Variants in SLC15A1 observed in about 807,000 individuals in gnomAD.
The protein encoded by SLC15A1 is Caco-2 oligopeptide transporter.
In SLC15A1, 83 loss-of-function variants were observed where a neutral mutation model predicts 92.9. That is an observed-to-expected ratio of 0.89 (90% confidence interval 0.75 to 1.07). SLC15A1 has a LOEUF of 1.07. Ranked by LOEUF, SLC15A1 falls within the 50% of genes least tolerant of loss-of-function variation. SLC15A1 has a pLI of 0.00. For synonymous variants in SLC15A1, 322 were observed against 318.2 expected, an observed-to-expected ratio of 1.01 and a Z score of -0.13; for missense variants, 857 against 880.1, an observed-to-expected ratio of 0.97 and a Z score of 0.33.
intron 15 of SLC15A1, 146 bp from the exon 16 acceptor site, chr13:98,706,399 C>G (rs1421427424): frequency 1.2e-6 from 1 of 844,816 alleles, no homozygotes; most frequent in Non-Finnish European, 1.8e-6. Context: ...AGCTGCCAAT[C>G]ACAGACCTCG....
At chr13:98,726,920 C>G in intron 1 of SLC15A1, 61 bp from the exon 2 acceptor site, 1 of 1,556,906 alleles carries the variant, frequency 6.4e-7, no homozygotes, top group East Asian at 2.2e-5. Context: ...TTTGCTGTGT[C>G]TAAACTCAGA....
At chr13:98,697,017 C>T (rs1182031472) in intron 18 of SLC15A1, among the ~76,000 whole-genome samples, 4 of 152,136 alleles carry the variant, frequency 2.6e-5, no homozygotes, top group African/African-American at 9.7e-5. Flanking sequence ...CCTGATCTTA[C>T]ACTTCCAGCC....
chr13:98,721,957 C>T (rs1377632711), intron 5 of SLC15A1, 54 bp from the exon 6 acceptor site: 6 of 1,463,664 alleles, frequency 4.1e-6, no homozygotes, highest in African/African-American at 2.8e-5. Context: ...AAGTAGAAGG[C>T]CTCTCTTTTC....
chr13:98,750,623 G>A (rs2139618879), intron 1 of SLC15A1, among the ~76,000 whole-genome samples: 1 of 152,302 alleles, frequency 6.6e-6, no homozygotes, highest in Admixed American at 6.5e-5. Context: ...GTCAGAGGCA[G>A]GAGGTACAGG....
chr13:98,699,934 T>C (rs192302671), intron 18 of SLC15A1, among the ~76,000 whole-genome samples: 219 of 152,328 alleles, frequency 1.4e-3, no homozygotes, highest in South Asian at 3.9e-3. Flanking sequence ...GCTGTTCAAA[T>C]CTTTTGCGTT....
At chr13:98,703,369 CA>C in intron 17 of SLC15A1, among the ~76,000 whole-genome samples, 1 of 151,912 alleles carries the variant, frequency 6.6e-6, no homozygotes, top group East Asian at 1.9e-4. Context: ...CACTACTGTC[CA>C]AAACTTTAGA....
intron 7 of SLC15A1, 24 bp downstream of exon 7, chr13:98,721,471 A>G: frequency 6.4e-7 from 1 of 1,557,142 alleles, no homozygotes; most frequent in Non-Finnish European, 8.9e-7. Context: ...AGACCAACAG[A>G]AGTTCCTTTC....
At chr13:98,686,362 C>T in intron 21 of SLC15A1, 65 bp from the exon 22 acceptor site, 1 of 1,095,762 alleles carries the variant, frequency 9.1e-7, no homozygotes, top group South Asian at 1.3e-5. Context: ...GAACACAGCT[C>T]ACCGATGGGC....
rs1012857958 is a variant in SLC15A1, at chr13:98,709,477, C to T, written c.1067+95G>A. On this transcript the variant is annotated intron_variant, in intron 14 of 22. Coordinates refer to ENST00000376503, the MANE Select transcript of SLC15A1 (RefSeq NM_005073.4). ...ATTCTTCAAAACCCTATCCTCTAGG[C>T]GAGGTTGCGGGAAGGGCTGCAGGCT... 3.7e-5 allele frequency: 33 copies of T among 885,566 alleles called. No individual in the cohort carries two copies. The African/African-American group carries it at 4.6e-4, about 12-fold the overall frequency. 54.9% of individuals were successfully genotyped at this position (885,566 alleles called of 1,614,324 possible).
At chr13:98,752,298 C>A (rs2088552955) in intron 1 of SLC15A1, among the ~76,000 whole-genome samples, 1 of 152,256 alleles carries the variant, frequency 6.6e-6, no homozygotes, top group African/African-American at 2.4e-5. Context: ...CAAGCGCACT[C>A]CCGGCCCGCA....
At chr13:98,703,343 C>T (rs1389548350) in intron 17 of SLC15A1, among the ~76,000 whole-genome samples, 3 of 151,984 alleles carry the variant, frequency 2.0e-5, no homozygotes, top group Non-Finnish European at 2.9e-5. Flanking sequence ...CATTGGTTGC[C>T]GGTGCTTCCA....
At chr13:98,711,731 A>C (rs2088164250) in intron 11 of SLC15A1, 123 bp downstream of exon 11, 1 of 649,306 alleles carries the variant, frequency 1.5e-6, no homozygotes, top group African/African-American at 1.8e-5. Flanking sequence ...AAACAAGTGA[A>C]ATATAAATAA....
chr13:98,744,769 A>G (rs2088479715), intron 1 of SLC15A1, among the ~76,000 whole-genome samples: 1 of 150,488 alleles, frequency 6.6e-6, no homozygotes, highest in Non-Finnish European at 1.5e-5. Context: ...AAAAAAAAAA[A>G]AAAGGCAAAA....
At chr13:98,701,363 G>C (rs1360157171) in intron 18 of SLC15A1, among the ~76,000 whole-genome samples, 2 of 152,046 alleles carry the variant, frequency 1.3e-5, no homozygotes, top group African/African-American at 2.4e-5. Flanking sequence ...GAACAGTGAT[G>C]GATTTTGTTT....
chr13:98,737,274 A>C (rs1275436881), intron 1 of SLC15A1, among the ~76,000 whole-genome samples: 1 of 152,182 alleles, frequency 6.6e-6, no homozygotes, highest in Non-Finnish European at 1.5e-5. Context: ...GTTCTCACTC[A>C]TAGGTGGGAA....
At chr13:98,746,283 T>G (rs999991265) in intron 1 of SLC15A1, among the ~76,000 whole-genome samples, 1 of 152,234 alleles carries the variant, frequency 6.6e-6, no homozygotes, top group Non-Finnish European at 1.5e-5. Context: ...GACAGGTATC[T>G]AGGTTGCTTC....
intron 18 of SLC15A1, among the ~76,000 whole-genome samples, chr13:98,696,473 CA>C (rs1245187632): frequency 1.3e-5 from 2 of 151,848 alleles, no homozygotes; most frequent in Non-Finnish European, 2.9e-5. Flanking sequence ...TTAACAACAC[CA>C]AAACAAGAAA....
intron 1 of SLC15A1, among the ~76,000 whole-genome samples, chr13:98,745,163 G>A (rs1192248990): frequency 6.6e-6 from 1 of 152,018 alleles, no homozygotes; most frequent in South Asian, 2.1e-4. Flanking sequence ...TGTTTTCTAC[G>A]TACCAACTCT....
intron 1 of SLC15A1, among the ~76,000 whole-genome samples, chr13:98,742,047 C>T (rs1020808226): frequency 1.3e-5 from 2 of 152,210 alleles, no homozygotes; most frequent in Admixed American, 6.5e-5. Context: ...TGCACGTGGG[C>T]CACTGGGCCA....
Sources: allele counts gnomAD v4.1 joint callset (sites outside exome capture counted in the v4.1 genomes callset), GRCh38; gene constraint gnomAD v4.1.1; transcripts MANE v1.5; gene names NCBI Gene and HGNC (gene_info 2026-07-23, HGNC 2026-07-21).